Variants in ANXA2 observed in about 807,000 individuals in gnomAD.
ANXA2 encodes annexin A2.
ANXA2 carries 28 observed loss-of-function variants against 47.3 expected under a neutral mutation model. That is an observed-to-expected ratio of 0.59 (90% CI 0.44 to 0.81). The LOEUF (loss-of-function observed/expected upper bound fraction) is 0.81, where lower values mean the gene tolerates loss of function less well. ANXA2 is among the 40% of genes least tolerant of loss of function. The pLI is 0.00. For synonymous variants in ANXA2, 172 were observed against 155.5 expected (o/e 1.11, Z -0.79); for missense variants, 384 against 414.3 (o/e 0.93, Z 0.64).
intron 4 of ANXA2, among the ~76,000 whole-genome samples, chr15:60,362,155 A>G (rs1256883735): frequency 6.6e-6 from 1 of 152,166 alleles, no homozygotes; most frequent in Non-Finnish European, 1.5e-5. Context: ...CACGGCACTT[A>G]GGAGGGGACT....
intron 12 of ANXA2, 36 bp downstream of exon 12, chr15:60,349,039 A>G (rs1197748929): frequency 6.2e-7 from 1 of 1,612,816 alleles, no homozygotes; most frequent in East Asian, 2.2e-5. Flanking sequence ...GGTGCTCTGG[A>G]CGGCAGGGCA....
At chr15:60,373,576 A>G (rs1473711995) in intron 3 of ANXA2, among the ~76,000 whole-genome samples, 1 of 152,158 alleles carries the variant, frequency 6.6e-6, no homozygotes, top group African/African-American at 2.4e-5. Context: ...TCTCATCAAG[A>G]CAGGACACCC....
chr15:60,357,056 G>C, intron 6 of ANXA2, 90 bp downstream of exon 6: 4 of 1,166,480 alleles, frequency 3.4e-6, no homozygotes, highest in Non-Finnish European at 5.1e-6. Flanking sequence ...ACTAATGCAG[G>C]CATCTTAGCC....
At chr15:60,381,362 C>CATA (rs2062855280) in intron 3 of ANXA2, among the ~76,000 whole-genome samples, 1 of 152,158 alleles carries the variant, frequency 6.6e-6, no homozygotes, top group South Asian at 2.1e-4. Context: ...AAAGGAAGTG[C>CATA]TTTATCCAAG....
intron 3 of ANXA2, among the ~76,000 whole-genome samples, chr15:60,375,833 G>C (rs2062768927): frequency 6.6e-6 from 1 of 152,206 alleles, no homozygotes; most frequent in East Asian, 1.9e-4. Flanking sequence ...CGAGTATGTA[G>C]AGTATGATGA....
chr15:60,389,084 C>A (rs1462094314), intron 1 of ANXA2, among the ~76,000 whole-genome samples: 1 of 152,152 alleles, frequency 6.6e-6, no homozygotes, highest in Non-Finnish European at 1.5e-5. Flanking sequence ...GGACATCAAA[C>A]CACCCAAGCC....
intron 5 of ANXA2, among the ~76,000 whole-genome samples, chr15:60,359,063 G>A (rs1370667142): frequency 2.6e-5 from 4 of 152,192 alleles, no homozygotes; most frequent in Non-Finnish European, 5.9e-5. Context: ...CACCGGTACT[G>A]CCAGAAGTCA....
chr15:60,393,682 C>T (rs146325403), intron 1 of ANXA2: 205 of 985,348 alleles, frequency 2.1e-4, no homozygotes, highest in Middle Eastern at 1.6e-3. Context: ...TCATAAATGC[C>T]GCCTTTCTCA....
At chr15:60,387,378 C>A (rs1230016317) in intron 1 of ANXA2, among the ~76,000 whole-genome samples, 1 of 152,156 alleles carries the variant, frequency 6.6e-6, no homozygotes, top group Non-Finnish European at 1.5e-5. Flanking sequence ...TTTGTCCCAC[C>A]GTTGGGGTAT....
intron 4 of ANXA2, chr15:60,361,378 TAAC>T (rs926270257): frequency 1.8e-5 from 5 of 279,156 alleles, no homozygotes; most frequent in Non-Finnish European, 3.5e-5. Flanking sequence ...TTGAAAGCAG[TAAC>T]ACTCCGTGGA....
intron 12 of ANXA2, 76 bp downstream of exon 12, chr15:60,348,999 C>A: frequency 6.3e-7 from 1 of 1,578,430 alleles, no homozygotes. Flanking sequence ...ACTCTGTCAT[C>A]ATTCTGCCAG....
intron 3 of ANXA2, among the ~76,000 whole-genome samples, chr15:60,374,039 C>G (rs1385125407): frequency 6.6e-6 from 1 of 152,188 alleles, no homozygotes; most frequent in Non-Finnish European, 1.5e-5. Flanking sequence ...CCTGGCACAG[C>G]TGGGGCACAC....
In ANXA2 at chr15:60,352,724, T is replaced by G. The variant is rs541311582; in HGVS notation, c.589-248A>C. 6.6e-6 allele frequency among the ~76,000 whole-genome samples: 1 copy of G among 152,296 alleles called. No individual in the cohort carries two copies. The highest frequency in any genetic ancestry group is 2.4e-5 in the African/African-American group (1 of 41,560). On this transcript the variant is annotated intron_variant, in intron 8 of 12. Transcript: ENST00000451270. This position sits in a 1 kb window ranked among gnomAD's most constrained non-coding sequence, Gnocchi z 4.2. ...TCGTGAGGTCTGCTGTACAATCTCC[T>G]TCCTTGAATAAGAAAGGAGGGACCA...
chr15:60,358,571 G>T (rs1011360983), intron 5 of ANXA2, among the ~76,000 whole-genome samples: 6 of 152,168 alleles, frequency 3.9e-5, no homozygotes, highest in African/African-American at 1.4e-4. Context: ...TAAGCCTCAG[G>T]TTAATGGTTA....
At chr15:60,395,751 T>C (rs1011922141) in intron 1 of ANXA2, 1 of 152,202 alleles carries the variant, frequency 6.6e-6, no homozygotes, top group Non-Finnish European at 1.5e-5. Flanking sequence ...GTCAGCAATA[T>C]TTCCTGGGCA....
intron 5 of ANXA2, among the ~76,000 whole-genome samples, chr15:60,358,384 T>G (rs1474550309): frequency 6.6e-6 from 1 of 152,248 alleles, no homozygotes; most frequent in Admixed American, 6.5e-5. Context: ...TTAATACTTG[T>G]CTTTCCGAAT....
intron 3 of ANXA2, among the ~76,000 whole-genome samples, chr15:60,366,979 G>A (rs1259441748): frequency 1.5e-4 from 12 of 78,894 alleles, no homozygotes; most frequent in Admixed American, 2.3e-4. Context: ...AGGTGGGGGG[G>A]TCAGCCCCCC....
chr15:60,348,030 G>A (rs551586398), intron 12 of ANXA2, among the ~76,000 whole-genome samples: 43 of 152,254 alleles, frequency 2.8e-4, no homozygotes, highest in Non-Finnish European at 5.9e-4. Context: ...TTCCTCTCTC[G>A]TCCTCGTCTT....
intron 5 of ANXA2, 100 bp from the exon 6 acceptor site, chr15:60,357,336 C>A: frequency 2.2e-6 from 2 of 904,836 alleles, no homozygotes; most frequent in South Asian, 2.9e-5. Context: ...TGGATTGGGT[C>A]TGTTAGCATC....
Sources: allele counts gnomAD v4.1 joint callset (sites outside exome capture counted in the v4.1 genomes callset), GRCh38; gene constraint gnomAD v4.1.1; non-coding constraint Gnocchi (gnomAD v3.1); transcripts MANE v1.5; gene names NCBI Gene and HGNC (gene_info 2026-07-23, HGNC 2026-07-21).